CHRNA6: variants seen among roughly 807,000 people sequenced by gnomAD.
The protein encoded by CHRNA6 is cholinergic receptor nicotinic alpha 6 subunit.
In CHRNA6, 31 loss-of-function variants were observed where a neutral mutation model predicts 40.9. The observed-to-expected ratio is 0.76, with a 90% CI of 0.57 to 1.02. The LOEUF is 1.02. Among genes scored for constraint, CHRNA6 ranks in the 50% least tolerant of loss-of-function variants. CHRNA6 has a pLI of 0.00. For synonymous variants in CHRNA6, 222 were observed against 221.3 expected (o/e 1.00, Z -0.03); for missense variants, 546 against 596.6 (o/e 0.92, Z 0.88).
At position 42,753,981 on chromosome 8, in the gene CHRNA6, C is replaced by T. The variant is rs190956003; in HGVS notation, c.1354-671G>A. Among the ~76,000 whole-genome samples the T allele has an allele frequency of 5.3e-3, 813 of 152,006 alleles. 3 individuals carry two copies. Among genetic ancestry groups the T allele is most frequent in the Non-Finnish European group, 8.7e-3 (589 of 67,964 alleles). On this transcript the variant is annotated intron_variant, in intron 5 of 5. Coordinates refer to ENST00000276410, the MANE Select transcript of CHRNA6 (RefSeq NM_004198.3). ...TTGAGGCAGGGGGTGCCACTGGGGGCGGAGGACATGGAGGGGTATGATTGA... is the reference window on the plus strand; with the variant it reads ...TTGAGGCAGGGGGTGCCACTGGGGGTGGAGGACATGGAGGGGTATGATTGA...
intron 2 of CHRNA6, chr8:42,759,326 G>A (rs2128911706): frequency 1.9e-6 from 1 of 536,636 alleles, no homozygotes; most frequent in East Asian, 3.1e-5. Flanking sequence ...AGGCAATGTG[G>A]CTTTAAACTC....
chr8:42,765,186 G>T lies in CHRNA6; in HGVS notation c.98C>A (p.Thr33Asn). Residue 33 changes from threonine (T) to asparagine (N), a missense_variant, in exon 2 of 6, where the codon ACT becomes AAT. By Grantham distance (65) the Thr-to-Asn change is moderately conservative (BLOSUM62 0). This residue lies in a region of CHRNA6 where 476 missense variants were observed against 494.5 expected (regional missense o/e 0.96). Coordinates refer to ENST00000276410, the MANE Select transcript of CHRNA6 (RefSeq NM_004198.3). ...PFFKGCVGCA[T>N]EERLFHKLFS... ...CAGTTTGTGGAAGAGCCTCTCCTCA[G>T]TTGCACAGCCCACACAGCCTGTGAG... 6.2e-7 allele frequency: 1 copy of T among 1,614,098 alleles called. No individual in the cohort carries two copies. The highest frequency in any genetic ancestry group is 8.5e-7 in the Non-Finnish European group (1 of 1,179,994).
At chr8:42,766,270 A>G (rs369972840) in intron 1 of CHRNA6, among the ~76,000 whole-genome samples, 15 of 152,200 alleles carry the variant, frequency 9.9e-5, no homozygotes, top group African/African-American at 3.6e-4. Flanking sequence ...AGGCGGTTGG[A>G]TCACAAGGTC....
intron 2 of CHRNA6, chr8:42,759,358 C>T: frequency 2.1e-6 from 1 of 477,984 alleles, no homozygotes; most frequent in Non-Finnish European, 3.8e-6. Context: ...ATTTAAGCCT[C>T]ACCTCTTCTG....
In CHRNA6 at chr8:42,756,109, C is replaced by A; in HGVS notation, c.1090G>T (p.Gly364Cys). The A allele has an allele frequency of 6.2e-7, 1 of 1,614,262 alleles. No homozygotes were observed. Residue 364 changes from glycine (G) to cysteine (C), a missense_variant, in exon 5 of 6, where the codon GGC (glycine) becomes TGC (cysteine). Around this residue, in one of 3 missense-constraint regions of CHRNA6, gnomAD observed 476 missense variants for 494.5 expected, o/e 0.96. Coordinates refer to ENST00000276410, the MANE Select transcript of CHRNA6 (RefSeq NM_004198.3). ...CTGGGCACTGCATCAGAGCCTGTGC[C>A]CCTTGTCTTGTCCAGAGGCCACCTC... ...LMRWPLDKTR[G>C]TGSDAVPRGL...
intron 3 of CHRNA6, among the ~76,000 whole-genome samples, chr8:42,757,291 G>T (rs1234411937): frequency 6.6e-6 from 1 of 151,528 alleles, no homozygotes; most frequent in Non-Finnish European, 1.5e-5. Context: ...TCTTGAACGT[G>T]GGGGGCAGAG....
intron 5 of CHRNA6, 90 bp from the exon 6 acceptor site, chr8:42,753,400 G>T (rs1816750590): frequency 1.6e-6 from 2 of 1,238,488 alleles, no homozygotes; most frequent in South Asian, 1.3e-5. Flanking sequence ...CTTCTTTTTT[G>T]AAGAAGATTT....
intron 3 of CHRNA6, among the ~76,000 whole-genome samples, 171 bp from the exon 4 acceptor site, chr8:42,757,208 A>C (rs563724371): frequency 5.4e-4 from 82 of 151,998 alleles, no homozygotes; most frequent in African/African-American, 2.0e-3. Context: ...TCTACTAAAA[A>C]TACAAAAATT....
At chr8:42,753,886 GC>G (rs779601898) in intron 5 of CHRNA6, among the ~76,000 whole-genome samples, 13 of 152,128 alleles carry the variant, frequency 8.5e-5, no homozygotes, top group Non-Finnish European at 1.3e-4. Flanking sequence ...AGAAGCAACT[GC>G]TCAGAGAGCT....
At chr8:42,758,740 G>C (rs1200915371) in intron 3 of CHRNA6, among the ~76,000 whole-genome samples, 2 of 152,164 alleles carry the variant, frequency 1.3e-5, no homozygotes, top group African/African-American at 4.8e-5. Flanking sequence ...CCCAAGCTCA[G>C]CTACTGACTT....
rs192438713 is a variant in CHRNA6 at position 42,764,394 on chromosome 8, C to G, written c.219+671G>C. 2.7e-3 allele frequency among the ~76,000 whole-genome samples: 411 copies of G among 151,698 alleles called. 1 individual carries two copies. The highest frequency in any genetic ancestry group is 0.017 in the Middle Eastern group (5 of 294). ...CCAGGCTGGAGTGCAGTGGTGCAATCTCGGCTCACTGCAGCCTTGACCTCC... is the reference window on the plus strand; with the variant it reads ...CCAGGCTGGAGTGCAGTGGTGCAATGTCGGCTCACTGCAGCCTTGACCTCC... On this transcript the variant is annotated intron_variant, in intron 2 of 5. Transcript: ENST00000276410.
chr8:42,756,323 G>A lies in CHRNA6; in HGVS notation c.876C>T (p.Thr292=), dbSNP rs746856231. 1.9e-6 allele frequency: 3 copies of A among 1,614,238 alleles called. No homozygotes were observed. Among genetic ancestry groups the A allele is most frequent in the Non-Finnish European group, 2.5e-6 (3 of 1,180,050 alleles). ...LTVFLLVITE[T]IPSTSLVVPL... ...GGACCACCAGAGATGTGGATGGGAT[G>A]GTTTCTGTGATGACCAGCAAAAACA... Residue 292 remains threonine, a synonymous_variant, in exon 5 of 6, where the codon ACC becomes ACT. Coordinates refer to ENST00000276410, the MANE Select transcript of CHRNA6 (RefSeq NM_004198.3).
rs1817003898 is a variant in CHRNA6 at position 42,768,607 on chromosome 8, G to A, written c.-177C>T. Reference sequence around the variant, plus strand: ...TCACACGGTTATTACCAGGATCAGAGACTGAGGCAGACATGAAGGGCGAAT... The same window carrying A: ...TCACACGGTTATTACCAGGATCAGAAACTGAGGCAGACATGAAGGGCGAAT... On this transcript the variant is annotated 5_prime_UTR_variant, in exon 1 of 6. Coordinates refer to ENST00000276410, the MANE Select transcript of CHRNA6 (RefSeq NM_004198.3). The A allele has an allele frequency of 7.6e-6, 4 of 524,278 alleles. No homozygotes were observed. The South Asian group carries it at 1.2e-4, about 16-fold the overall frequency. 32.5% of individuals were successfully genotyped at this position (524,278 alleles called of 1,614,324 possible). A position where few individuals can be genotyped will look rare whatever the true frequency, so the allele number is the denominator to read the frequency against.
At chr8:42,760,034 T>C (rs1816874122) in intron 2 of CHRNA6, among the ~76,000 whole-genome samples, 1 of 152,180 alleles carries the variant, frequency 6.6e-6, no homozygotes, top group Admixed American at 6.5e-5. Context: ...GCTCTATAAA[T>C]ATTGGGAATA....
At chr8:42,757,733 A>G (rs1451077982) in intron 3 of CHRNA6, among the ~76,000 whole-genome samples, 7 of 52,300 alleles carry the variant, frequency 1.3e-4, no homozygotes, top group South Asian at 8.7e-4. Flanking sequence ...ACTCTGTCTC[A>G]AAAAAAAAAA....
chr8:42,766,742 G>A (rs144763581), intron 1 of CHRNA6, among the ~76,000 whole-genome samples: 1 of 152,154 alleles, frequency 6.6e-6, no homozygotes, highest in South Asian at 2.1e-4. Context: ...CTCTTGAGGG[G>A]GTCCAGGGAA....
At chr8:42,757,878 A>C (rs1448695581) in intron 3 of CHRNA6, among the ~76,000 whole-genome samples, 9 of 150,380 alleles carry the variant, frequency 6.0e-5, no homozygotes, top group African/African-American at 2.2e-4. Context: ...CTAAAAATAC[A>C]AAAAAAATTA....
In CHRNA6 at chr8:42,756,216, T is replaced by A. The variant is rs1816796610; in HGVS notation, c.983A>T (p.His328Leu). Residue 328 changes from histidine (H) to leucine (L), a missense_variant, in exon 5 of 6, where the codon CAC becomes CTC. By Grantham distance (99) the His-to-Leu change is moderately conservative. Coordinates refer to ENST00000276410, the MANE Select transcript of CHRNA6 (RefSeq NM_004198.3). ...TGTGTGCGTGGTTGGGGTGCGGTAG[T>A]GTATGTTCAACACAAACACAGTCAC... is the stretch of plus-strand genomic sequence containing the variant. ...IVVTVFVLNIHYRTPTTHTMP... is the reference protein window; with the variant it reads ...IVVTVFVLNILYRTPTTHTMP... 6.2e-7 allele frequency: 1 copy of A among 1,614,094 alleles called. No homozygotes were observed. Among genetic ancestry groups the A allele is most frequent in the African/African-American group, 1.3e-5 (1 of 74,924 alleles).
intron 5 of CHRNA6, among the ~76,000 whole-genome samples, chr8:42,755,053 T>C (rs1816773625): frequency 6.6e-6 from 1 of 150,824 alleles, no homozygotes; most frequent in Non-Finnish European, 1.5e-5. Context: ...TTTTTTTTTT[T>C]TTCCTGAGAC....
Sources: gnomAD v4.1 joint callset for allele counts (sites outside exome capture counted in the v4.1 genomes callset) on GRCh38, gnomAD v4.1.1 for gene constraint, gnomAD v4.1.1 regional missense constraint, MANE v1.5 for transcripts, NCBI Gene and HGNC (gene_info 2026-07-23, HGNC 2026-07-21) for gene names.